LINGO2: variants seen among roughly 807,000 people sequenced by gnomAD.
LINGO2 encodes the protein leucine rich repeat and Ig domain containing 2, also known as leucine-rich repeat and immunoglobulin-like domain-containing nogo receptor-interacting protein 2.
A neutral mutation model predicts 30.6 loss-of-function variants in LINGO2; 14 were observed. The observed-to-expected ratio is 0.46, with a 90% CI of 0.30 to 0.72. The LOEUF (loss-of-function observed/expected upper bound fraction) is 0.72. Ranked by LOEUF, LINGO2 falls within the 30% of genes least tolerant of loss-of-function variation. LINGO2 has a pLI of 0.07. For synonymous variants in LINGO2, 317 were observed against 288.5 expected (o/e 1.10, Z -1.00); for missense variants, 729 against 751.7 (o/e 0.97, Z 0.35).
chr9:28,503,114 C>A (rs117545022), intron 1 of LINGO2, among the ~76,000 whole-genome samples: 2,789 of 152,040 alleles, frequency 0.018, 80 homozygotes, highest in East Asian at 0.091. Context: ...GACTCAAAAA[C>A]CAGGCTGTTA....
At chr9:28,427,203 A>G (rs1823449461) in intron 2 of LINGO2, among the ~76,000 whole-genome samples, 1 of 152,108 alleles carries the variant, frequency 6.6e-6, no homozygotes, top group South Asian at 2.1e-4. Flanking sequence ...TTAAAACACA[A>G]GAAGACATAG....
At chr9:29,039,490 T>C in the LINGO2 span, among the ~76,000 whole-genome samples, 2 of 152,126 alleles carry the variant, frequency 1.3e-5, no homozygotes, top group Non-Finnish European at 2.9e-5. Flanking sequence ...ACTCAAAGCT[T>C]ACTGCCAACC....
chr9:28,144,882 G>A (rs961419047), intron 4 of LINGO2, among the ~76,000 whole-genome samples: 1 of 152,342 alleles, frequency 6.6e-6, no homozygotes, highest in Middle Eastern at 3.4e-3. Context: ...TTGCATCCCA[G>A]TTACAAAAAC....
intron 4 of LINGO2, chr9:28,149,140 G>A (rs1587086305): frequency 1.4e-6 from 2 of 1,476,494 alleles, no homozygotes; most frequent in East Asian, 4.9e-5. Context: ...AGAACATGAG[G>A]GTGTTAAGTA....
At chr9:28,381,711 G>T (rs1200379127) in intron 2 of LINGO2, among the ~76,000 whole-genome samples, 1 of 151,918 alleles carries the variant, frequency 6.6e-6, no homozygotes, top group East Asian at 1.9e-4. Flanking sequence ...AACCAATTTT[G>T]TCTGATGGAA....
rs192804659 is a variant in LINGO2 at position 28,216,088 on chromosome 9, T to G, written c.-87+79120A>C. 2.7e-3 allele frequency among the ~76,000 whole-genome samples: 404 copies of G among 151,984 alleles called. 1 individual carries two copies. The highest frequency in any genetic ancestry group is 9.3e-3 in the African/African-American group (387 of 41,508). ...ACTGGGAGAACTAAGCTGGAAAATG[T>G]GATAGCAAATCCTTAACTCAAGCAG... On this transcript the variant is annotated intron_variant, in intron 4 of 5. Transcript: ENST00000379992.
the LINGO2 span, among the ~76,000 whole-genome samples, chr9:29,136,828 C>T: frequency 2.6e-5 from 4 of 152,110 alleles, no homozygotes; most frequent in African/African-American, 9.7e-5. Context: ...TCATTTGATA[C>T]CCATGTCATC....
intron 1 of LINGO2, among the ~76,000 whole-genome samples, chr9:28,497,594 A>T (rs1431452887): frequency 6.6e-6 from 1 of 151,974 alleles, no homozygotes; most frequent in East Asian, 1.9e-4. Context: ...CTTCTTTGTG[A>T]TGGGTTCGAA....
the LINGO2 span, among the ~76,000 whole-genome samples, chr9:28,832,959 C>T: frequency 3.2e-5 from 4 of 124,882 alleles, no homozygotes; most frequent in Non-Finnish European, 5.0e-5. Context: ...TAGTGGCTGA[C>T]GTAGTACATT....
At chr9:28,433,933 C>A (rs1823791111) in intron 2 of LINGO2, among the ~76,000 whole-genome samples, 4 of 51,264 alleles carry the variant, frequency 7.8e-5, no homozygotes, top group Admixed American at 5.7e-4. Flanking sequence ...TTCTCTCTCT[C>A]TCTCTCTCTC....
chr9:28,569,949 C>A (rs35203207), intron 1 of LINGO2, among the ~76,000 whole-genome samples: 31,909 of 151,498 alleles, frequency 0.21, 3,832 homozygotes, highest in African/African-American at 0.32. Flanking sequence ...GGAAAAAAGA[C>A]ATAAATACAA....
At chr9:28,296,123 T>C (rs1013941194) in intron 3 of LINGO2, among the ~76,000 whole-genome samples, 51 of 152,332 alleles carry the variant, frequency 3.3e-4, no homozygotes, top group African/African-American at 1.2e-3. Context: ...GTTGTTTATG[T>C]CCATGAATAA....
the LINGO2 span, among the ~76,000 whole-genome samples, chr9:29,023,403 A>T: frequency 6.6e-6 from 1 of 152,156 alleles, no homozygotes; most frequent in East Asian, 1.9e-4. Flanking sequence ...GCAAATTTCA[A>T]TAATGAGTAC....
chr9:28,347,019 G>A (rs1819606148), intron 3 of LINGO2, among the ~76,000 whole-genome samples: 1 of 152,070 alleles, frequency 6.6e-6, no homozygotes, highest in African/African-American at 2.4e-5. Context: ...CTGTACAGAA[G>A]CTCTAAAGTT....
chr9:28,547,963 A>T (rs1175613997), intron 1 of LINGO2, among the ~76,000 whole-genome samples: 1 of 152,152 alleles, frequency 6.6e-6, no homozygotes, highest in Non-Finnish European at 1.5e-5. Flanking sequence ...CAAGTAACAA[A>T]ATCAGACTCT....
intron 1 of LINGO2, among the ~76,000 whole-genome samples, chr9:28,573,184 C>A (rs1482177117): frequency 6.6e-6 from 1 of 152,110 alleles, no homozygotes; most frequent in African/African-American, 2.4e-5. Flanking sequence ...GAAATTAAAT[C>A]TGAACTTTAT....
At chr9:28,396,892 T>C (rs992245623) in intron 2 of LINGO2, among the ~76,000 whole-genome samples, 16 of 151,888 alleles carry the variant, frequency 1.1e-4, no homozygotes, top group Non-Finnish European at 8.8e-5. Flanking sequence ...GGAGGTAAAA[T>C]CAGAGAGGTT....
At chr9:28,272,750 A>G (rs1469080375) in intron 4 of LINGO2, among the ~76,000 whole-genome samples, 3 of 152,106 alleles carry the variant, frequency 2.0e-5, no homozygotes, top group Non-Finnish European at 4.4e-5. Flanking sequence ...CAGTCATTGC[A>G]GTGGTATTGG....
chr9:28,054,554 A>C (rs1824829346), intron 4 of LINGO2, among the ~76,000 whole-genome samples: 1 of 152,112 alleles, frequency 6.6e-6, no homozygotes, highest in African/African-American at 2.4e-5. Flanking sequence ...AAGTTCCATT[A>C]ACTGTTTAAA....
Sources: allele counts gnomAD v4.1 joint callset (sites outside exome capture counted in the v4.1 genomes callset), GRCh38; gene constraint gnomAD v4.1.1; transcripts MANE v1.5; gene names NCBI Gene and HGNC (gene_info 2026-07-23, HGNC 2026-07-21).